Variants in EPM2A observed in about 807,000 individuals in gnomAD.
EPM2A encodes the protein EPM2A glucan phosphatase, laforin.
Under a neutral mutation model 26.5 loss-of-function variants are expected in EPM2A, and 21 were observed. The ratio of observed to expected loss-of-function variants is 0.79; its 90% CI spans 0.56 to 1.14. The LOEUF (loss-of-function observed/expected upper bound fraction) is 1.14, where lower values mean the gene tolerates loss of function less well. Ranked by LOEUF, EPM2A falls within the 50% of genes most tolerant of loss-of-function variation. The pLI is 0.00. For missense variants in EPM2A, 458 were observed against 440.8 expected (o/e 1.04, Z -0.35); for synonymous variants, 217 against 177.6 (o/e 1.22, Z -1.76).
chr6:145,599,301 T>C (rs1448366756), intron 2 of EPM2A, among the ~76,000 whole-genome samples: 1 of 152,152 alleles, frequency 6.6e-6, no homozygotes, highest in Non-Finnish European at 1.5e-5. Flanking sequence ...TTTCATAATT[T>C]CTTCCTCAAT....
At chr6:145,721,720 A>G (rs552605198) in intron 1 of EPM2A, 1 of 152,350 alleles carries the variant, frequency 6.6e-6, no homozygotes, top group African/African-American at 2.4e-5. Flanking sequence ...ATTCACTCTC[A>G]CATCTCAAAC....
At chr6:145,569,850 T>G (rs1398334171) in intron 2 of EPM2A, among the ~76,000 whole-genome samples, 1 of 120,958 alleles carries the variant, frequency 8.3e-6, no homozygotes, top group Non-Finnish European at 1.8e-5. Flanking sequence ...ACTAATGGAA[T>G]ATACATATAT....
chr6:145,446,529 T>G (rs1160639366), intron 4 of EPM2A, among the ~76,000 whole-genome samples: 2 of 152,190 alleles, frequency 1.3e-5, no homozygotes, highest in Non-Finnish European at 2.9e-5. Flanking sequence ...CAAAAAGTAT[T>G]TAATGTTGGT....
chr6:145,579,708 C>T (rs956055056), intron 2 of EPM2A, among the ~76,000 whole-genome samples: 2 of 152,104 alleles, frequency 1.3e-5, no homozygotes, highest in Non-Finnish European at 2.9e-5. Flanking sequence ...TTAAGTATAG[C>T]ATGTTGCTAT....
rs1780893400 is a variant in EPM2A at position 145,686,161 on chromosome 6, T to A, written c.437A>T (p.Tyr146Phe). The A allele has an allele frequency of 3.1e-6, 5 of 1,613,908 alleles. No individual in the cohort carries two copies. The highest frequency in any genetic ancestry group is 4.2e-6 in the Non-Finnish European group (5 of 1,179,938). ...TNEMKHTTDF[Y>F]FNIAGHQAMH... ...GGCTTGGTGGCCTGCAATATTAAAA[T>A]AGAAGTCTGTTGTGTGCTTCATTTC... Residue 146 changes from tyrosine to phenylalanine, a missense_variant, in exon 2 of 4, where the codon TAT becomes TTT. Transcript: ENST00000367519.
Position 145,573,596 on chromosome 6 carries a change from G to T in EPM2A, c.340+61649C>A, listed in dbSNP as rs1019763735. 8.5e-5 allele frequency among the ~76,000 whole-genome samples: 13 copies of T among 152,186 alleles called. No individual in the cohort carries two copies. In the East Asian group the frequency reaches 1.5e-3, roughly 18 times the overall value. Reference sequence around the variant, plus strand: ...GTCCTTGATGATGGCACTAATCTCCGCAATCCCTCCAGGGATGCAATATTG... The same window carrying T: ...GTCCTTGATGATGGCACTAATCTCCTCAATCCCTCCAGGGATGCAATATTG... On this transcript the variant is annotated intron_variant, in intron 2 of 3. Transcript: ENST00000450221.
intron 1 of EPM2A, among the ~76,000 whole-genome samples, chr6:145,704,317 T>C (rs550824122): frequency 6.6e-6 from 1 of 152,300 alleles, no homozygotes; most frequent in Non-Finnish European, 1.5e-5. Flanking sequence ...TCAAATTTTT[T>C]TCTATAAGAT....
chr6:145,711,189 C>T (rs1775299763), intron 1 of EPM2A, among the ~76,000 whole-genome samples: 1 of 152,102 alleles, frequency 6.6e-6, no homozygotes. Context: ...GTCTTCCAAA[C>T]CAGTTGATTA....
intron 2 of EPM2A, among the ~76,000 whole-genome samples, chr6:145,525,375 C>A (rs1400072846): frequency 1.3e-5 from 2 of 151,880 alleles, no homozygotes; most frequent in African/African-American, 4.8e-5. Context: ...ATAGCATTGA[C>A]TGTGTAGATT....
At chr6:145,489,561 A>ACAGT in intron 4 of EPM2A, 1 of 748,758 alleles carries the variant, frequency 1.3e-6, no homozygotes, top group East Asian at 2.7e-5. Flanking sequence ...TAGCTTAAGG[A>ACAGT]CAGTCATACT....
intron 2 of EPM2A, among the ~76,000 whole-genome samples, chr6:145,573,993 A>T (rs1390235320): frequency 6.6e-6 from 1 of 152,162 alleles, no homozygotes; most frequent in African/African-American, 2.4e-5. Flanking sequence ...CCCAATGCAC[A>T]GTTACCCTGG....
intron 2 of EPM2A, among the ~76,000 whole-genome samples, chr6:145,595,805 T>C (rs1781335152): frequency 6.6e-6 from 1 of 152,178 alleles, no homozygotes; most frequent in South Asian, 2.1e-4. Context: ...CAAAGGATTT[T>C]ATACTTTATT....
rs1008826715 is a variant in EPM2A, at chr6:145,523,072, A to G, written c.341-20497T>C. ...TTCTTATCTATATTCAGACATTTTC[A>G]TACTGTAAATTTTACTTTGAATTTG... is the stretch of plus-strand genomic sequence containing the variant. On this transcript the variant is annotated intron_variant, in intron 2 of 3. Transcript: ENST00000450221. 3.4e-4 allele frequency among the ~76,000 whole-genome samples: 51 copies of G among 152,200 alleles called. 1 individual carries two copies. Among genetic ancestry groups the G allele is most frequent in the Admixed American group, 2.6e-3 (40 of 15,280 alleles).
chr6:145,442,196 T>C (rs952543476), intron 4 of EPM2A, among the ~76,000 whole-genome samples: 1 of 152,156 alleles, frequency 6.6e-6, no homozygotes, highest in African/African-American at 2.4e-5. Flanking sequence ...TTCCCACATG[T>C]TCCTGTCTTC....
rs1780913429 is a variant in EPM2A at position 145,568,470 on chromosome 6, C to T, written c.341-65895G>A. On this transcript the variant is annotated intron_variant, in intron 2 of 3. Coordinates refer to the EPM2A transcript ENST00000450221. ...TGGTAGCTGGGATTACAGGCACGTG[C>T]CACCACCACGCCCAGCTAATTTTTG... 2.0e-5 allele frequency among the ~76,000 whole-genome samples: 3 copies of T among 152,110 alleles called. No homozygotes were observed. The South Asian group carries it at 6.2e-4, about 32-fold the overall frequency.
chr6:145,602,672 ACAAACATATCC>A (rs1781430958), intron 2 of EPM2A, among the ~76,000 whole-genome samples: 1 of 152,230 alleles, frequency 6.6e-6, no homozygotes, highest in South Asian at 2.1e-4. Flanking sequence ...TCAAAACTAC[ACAAACATATCC>A]CATTAAATGC....
intron 4 of EPM2A, among the ~76,000 whole-genome samples, chr6:145,444,967 A>G (rs1429779487): frequency 6.6e-6 from 1 of 151,660 alleles, no homozygotes; most frequent in East Asian, 1.9e-4. Context: ...TGTGTGTTCC[A>G]TTAGTTTAGT....
chr6:145,450,345 C>T (rs1224961646), intron 4 of EPM2A, among the ~76,000 whole-genome samples: 7 of 126,848 alleles, frequency 5.5e-5, no homozygotes, highest in South Asian at 5.4e-4. Flanking sequence ...AGTGAGACTC[C>T]GTCTCAAAAA....
At chr6:145,485,811 T>A (rs1468421430) in intron 4 of EPM2A, among the ~76,000 whole-genome samples, 1 of 152,112 alleles carries the variant, frequency 6.6e-6, no homozygotes, top group Non-Finnish European at 1.5e-5. Context: ...CTCGCAATCA[T>A]GATGCAAGGC....
Sources: gnomAD v4.1 joint callset for allele counts (sites outside exome capture counted in the v4.1 genomes callset) on GRCh38, gnomAD v4.1.1 for gene constraint, MANE v1.5 for transcripts, NCBI Gene and HGNC (gene_info 2026-07-23, HGNC 2026-07-21) for gene names.